The following NAV3 variants were observed in gnomAD, a reference collection of about 807,000 sequenced individuals.
NAV3 encodes the protein neuron navigator 3.
In NAV3, 87 loss-of-function variants were observed where a neutral mutation model predicts 244.7. That is an observed-to-expected ratio of 0.36 (90% CI 0.30 to 0.42). NAV3 has a LOEUF of 0.42. Ranked by LOEUF, NAV3 falls within the 20% of genes least tolerant of loss-of-function variation. NAV3 has a pLI of 1.00. For synonymous variants in NAV3, 1,126 were observed against 1,042.2 expected (o/e 1.08, Z -1.55); for missense variants, 2,663 against 2,893.3 (o/e 0.92, Z 1.83).
In NAV3 at chr12:78,199,534, G is replaced by A. The variant is rs2140016524; in HGVS notation, c.6715+3G>A. On this transcript the variant is annotated splice_donor_region_variant and intron_variant, in intron 37 of 39. Transcript: ENST00000397909. ...CAGTTCTTCTGACGTTACCATTGGT[G>A]AGTTCCAAAATTATAATATGCCATT... 4.5e-6 allele frequency: 7 copies of A among 1,568,648 alleles called. No individual in the cohort carries two copies. The highest frequency in any genetic ancestry group is 6.0e-6 in the Non-Finnish European group (7 of 1,161,994).
intron 2 of NAV3, among the ~76,000 whole-genome samples, chr12:77,773,611 GATA>G (rs753159118): frequency 2.2e-4 from 34 of 152,204 alleles, no homozygotes; most frequent in Non-Finnish European, 4.3e-4. Context: ...TAGTATATTA[GATA>G]ATGATAGGAC....
chr12:77,740,137 G>A (rs953098894), intron 2 of NAV3, among the ~76,000 whole-genome samples: 1 of 152,152 alleles, frequency 6.6e-6, no homozygotes, highest in Non-Finnish European at 1.5e-5. Flanking sequence ...GTGAAAGAAT[G>A]CCACTTTACT....
intron 20 of NAV3, chr12:78,143,426 T>A: frequency 2.3e-6 from 1 of 430,796 alleles, no homozygotes. Flanking sequence ...AGGTCAGGAG[T>A]TCGAGACCAG....
Position 78,137,195 on chromosome 12 carries a change from C to G in NAV3, c.4460C>G (p.Ser1487Cys). The change falls in exon 19 of 40, where the codon TCT becomes TGT. Residue 1487 changes from serine (S) to cysteine (C), a missense_variant. Ser to Cys is a moderately radical substitution (Grantham distance 112, BLOSUM62 -1). Coordinates refer to ENST00000397909, the MANE Select transcript of NAV3 (RefSeq NM_001024383.2). Reference protein sequence around the residue: ...FSNLVSPTNLSQFNLPGPSMM... With the variant: ...FSNLVSPTNLCQFNLPGPSMM... ...TTTTCAGTGAGCCCAACAAATTTGT[C>G]TCAGTTTAACCTTCCCGGGCCCAGC... 1 of 1,610,080 alleles carries G rather than the reference C, an allele frequency of 6.2e-7. No homozygotes were observed.
At chr12:78,015,759 C>A (rs1335576411) in intron 8 of NAV3, among the ~76,000 whole-genome samples, 1 of 151,958 alleles carries the variant, frequency 6.6e-6, no homozygotes, top group Non-Finnish European at 1.5e-5. Flanking sequence ...TTTTAGCATC[C>A]GTTGAGCTTT....
intron 2 of NAV3, chr12:77,783,214 C>T (rs942769897): frequency 9.9e-5 from 15 of 151,860 alleles, no homozygotes; most frequent in Admixed American, 6.6e-4. Flanking sequence ...ATTAGAACTG[C>T]GAGCATTCTC....
At chr12:77,645,235 C>G (rs890458695) in intron 2 of NAV3, among the ~76,000 whole-genome samples, 4 of 150,586 alleles carry the variant, frequency 2.7e-5, no homozygotes, top group African/African-American at 7.4e-5. Context: ...GAGAGTCACA[C>G]AAATAATTCA....
intron 2 of NAV3, among the ~76,000 whole-genome samples, chr12:77,653,339 A>G (rs888620434): frequency 1.2e-4 from 18 of 152,342 alleles, no homozygotes; most frequent in African/African-American, 4.3e-4. Flanking sequence ...GAATAAATAA[A>G]TATTCAGTAG....
chr12:77,909,242 C>T (rs1886326242), intron 1 of NAV3, among the ~76,000 whole-genome samples: 1 of 152,032 alleles, frequency 6.6e-6, no homozygotes, highest in Non-Finnish European at 1.5e-5. Flanking sequence ...ATAAAAGTCA[C>T]TATCTGTATC....
At chr12:77,716,089 TCA>T (rs1346066306) in intron 2 of NAV3, among the ~76,000 whole-genome samples, 6 of 152,076 alleles carry the variant, frequency 3.9e-5, no homozygotes, top group Non-Finnish European at 7.4e-5. Flanking sequence ...TTAGAATTTG[TCA>T]TACTCCTAAG....
intron 2 of NAV3, among the ~76,000 whole-genome samples, chr12:77,764,607 T>C (rs1232731513): frequency 6.6e-6 from 1 of 152,266 alleles, no homozygotes; most frequent in African/African-American, 2.4e-5. Flanking sequence ...TATTACTTCA[T>C]AGGATTTTTC....
At chr12:77,771,769 G>A (rs1275529591) in intron 2 of NAV3, among the ~76,000 whole-genome samples, 1 of 152,080 alleles carries the variant, frequency 6.6e-6, no homozygotes, top group Non-Finnish European at 1.5e-5. Context: ...TTGTGGGGTT[G>A]GGGGAGAGGG....
intron 2 of NAV3, among the ~76,000 whole-genome samples, chr12:77,687,008 T>C (rs1874785457): frequency 6.6e-6 from 1 of 152,128 alleles, no homozygotes; most frequent in Admixed American, 6.6e-5. Context: ...ACATCTTCAC[T>C]ATCCCATTAG....
At chr12:77,655,805 A>G (rs1873071701) in intron 2 of NAV3, among the ~76,000 whole-genome samples, 1 of 152,130 alleles carries the variant, frequency 6.6e-6, no homozygotes, top group Non-Finnish European at 1.5e-5. Flanking sequence ...CCAATATTCA[A>G]CATTCTTAAA....
At chr12:78,107,266 A>C (rs1954849904) in intron 12 of NAV3, among the ~76,000 whole-genome samples, 1 of 152,202 alleles carries the variant, frequency 6.6e-6, no homozygotes, top group African/African-American at 2.4e-5. Flanking sequence ...AAGTGACCAA[A>C]TATACGAATT....
At chr12:78,203,628 T>C (rs1440223346) in intron 38 of NAV3, among the ~76,000 whole-genome samples, 1 of 152,014 alleles carries the variant, frequency 6.6e-6, no homozygotes, top group Non-Finnish European at 1.5e-5. Flanking sequence ...TTCCCTTTTG[T>C]CTTTACTGAA....
chr12:77,866,584 A>C (rs960549350), intron 1 of NAV3, among the ~76,000 whole-genome samples: 8 of 152,224 alleles, frequency 5.3e-5, no homozygotes, highest in African/African-American at 1.7e-4. Flanking sequence ...GTTTAATTAC[A>C]ATCACACATG....
Position 78,122,234 on chromosome 12 carries a change from C to T in NAV3, c.4044C>T (p.Ala1348=), listed in dbSNP as rs1955703414. 1.8e-5 allele frequency: 29 copies of T among 1,614,000 alleles called. No individual in the cohort carries two copies. Among genetic ancestry groups the T allele is most frequent in the Non-Finnish European group, 2.4e-5 (28 of 1,180,022 alleles). ...SFTSGGLVWA[A]NMSSSSAGSK... Reference sequence around the variant, plus strand: ...CATCAGGTGGTCTCGTGTGGGCTGCCAATATGAGCAGTTCCTCTGCAGGCA... The same window carrying T: ...CATCAGGTGGTCTCGTGTGGGCTGCTAATATGAGCAGTTCCTCTGCAGGCA... The change falls in exon 16 of 40, where the codon GCC becomes GCT. Residue 1348 remains alanine (A), a synonymous_variant. Coordinates refer to ENST00000397909, the MANE Select transcript of NAV3 (RefSeq NM_001024383.2).
rs1379544583 is a variant in NAV3 at position 77,658,854 on chromosome 12, G to A, written c.72+86588G>A. Among the ~76,000 whole-genome samples the A allele has an allele frequency of 2.0e-5, 3 of 152,098 alleles. No individual in the cohort carries two copies. In the South Asian group the frequency reaches 6.2e-4, roughly 32 times the overall value. ...GACAAACCTGAGAAAAACAAGCAATGGGGAAAGGATTCCCTATTTAATAAA... is the reference window on the plus strand; with the variant it reads ...GACAAACCTGAGAAAAACAAGCAATAGGGAAAGGATTCCCTATTTAATAAA... On this transcript the variant is annotated intron_variant, in intron 2 of 8. Transcript: ENST00000550042.
Sources: gnomAD v4.1 joint callset for allele counts (sites outside exome capture counted in the v4.1 genomes callset) on GRCh38, gnomAD v4.1.1 for gene constraint, MANE v1.5 for transcripts, NCBI Gene and HGNC (gene_info 2026-07-23, HGNC 2026-07-21) for gene names.